The following SUFU variants were observed in gnomAD, a reference collection of about 807,000 sequenced individuals.
The protein encoded by SUFU is suppressor of fused homolog.
A neutral mutation model predicts 58.9 loss-of-function variants in SUFU; 7 were observed. The observed-to-expected ratio is 0.12, with a 90% CI of 0.07 to 0.22. The LOEUF (loss-of-function observed/expected upper bound fraction) is 0.22, where lower values mean the gene tolerates loss of function less well. Ranked by LOEUF, SUFU falls within the 10% of genes least tolerant of loss-of-function variation. The probability of loss-of-function intolerance (pLI) is 1.00; values close to 1 mark genes in which losing one functional copy is unlikely to be tolerated. For synonymous variants in SUFU, 232 were observed against 254.8 expected, an observed-to-expected ratio of 0.91 and a Z score of 0.85; for missense variants, 451 against 641.3, an observed-to-expected ratio of 0.70 and a Z score of 3.20.
At position 102,631,639 on chromosome 10, in the gene SUFU, C is replaced by G. The variant is rs2063838012; in HGVS notation, c.*1484C>G. 1 of 233,292 alleles carries G rather than the reference C, an allele frequency of 4.3e-6. No homozygotes were observed. The highest frequency in any genetic ancestry group is 1.8e-4 in the South Asian group (1 of 5,544). The allele number at this position is 233,292 out of a possible 1,614,324, so 14.5% of individuals were successfully genotyped here. On this transcript the variant is annotated 3_prime_UTR_variant, in exon 12 of 12. Coordinates refer to ENST00000369902, the MANE Select transcript of SUFU (RefSeq NM_016169.4). Reference sequence around the variant, plus strand: ...CACACACAGGCACCAGCAGGGATGCCACAGGAGTGCCCACAGGGTGCAGGA... The same window carrying G: ...CACACACAGGCACCAGCAGGGATGCGACAGGAGTGCCCACAGGGTGCAGGA...
intron 10 of SUFU, chr10:102,618,675 A>G (rs2135937990): frequency 3.6e-6 from 1 of 280,970 alleles, no homozygotes; most frequent in South Asian, 1.2e-4. Context: ...TGGTAACATT[A>G]GATTTCTGTC....
In SUFU at chr10:102,629,091, A is replaced by G. The variant is rs373845702; in HGVS notation, c.1366-975A>G. On this transcript the variant is annotated intron_variant, in intron 11 of 11. Transcript: ENST00000369902. This position sits in a 1 kb window ranked among gnomAD's most constrained non-coding sequence, Gnocchi z 4.7. ...GAATCGCTTGAACCCGGGAAGCAAA[A>G]GTTGCAGTGAGCCGAGATCGCGCCA... Among the ~76,000 whole-genome samples the G allele has an allele frequency of 3.9e-5, 6 of 152,168 alleles. No homozygotes were observed. The East Asian group carries it at 9.7e-4, about 25-fold the overall frequency.
intron 2 of SUFU, among the ~76,000 whole-genome samples, chr10:102,520,702 A>G (rs1054042862): frequency 2.6e-5 from 4 of 152,162 alleles, no homozygotes; most frequent in African/African-American, 9.7e-5. Flanking sequence ...CCAAAAGGTC[A>G]TAGAGTTGGA....
At chr10:102,534,126 C>G (rs2062707666) in intron 2 of SUFU, among the ~76,000 whole-genome samples, 1 of 151,990 alleles carries the variant, frequency 6.6e-6, no homozygotes. Flanking sequence ...GAGACTGAGT[C>G]CTGGAGAAAG....
chr10:102,626,632 A>T (rs2063789118), intron 10 of SUFU, among the ~76,000 whole-genome samples: 1 of 152,044 alleles, frequency 6.6e-6, no homozygotes, highest in Non-Finnish European at 1.5e-5. Flanking sequence ...CTGTAAAATG[A>T]GACGTTGGTC....
At chr10:102,512,800 C>T (rs1462719850) in intron 2 of SUFU, among the ~76,000 whole-genome samples, 2 of 152,202 alleles carry the variant, frequency 1.3e-5, no homozygotes, top group African/African-American at 4.8e-5. Context: ...CATGGTGCCT[C>T]ATGCCTATAG....
chr10:102,585,331 G>A (rs2063325551), intron 3 of SUFU, among the ~76,000 whole-genome samples: 1 of 152,166 alleles, frequency 6.6e-6, no homozygotes, highest in Admixed American at 6.5e-5. Context: ...AATCATATAA[G>A]GTCTATTATG....
intron 8 of SUFU, among the ~76,000 whole-genome samples, chr10:102,607,467 C>G (rs974637330): frequency 6.6e-6 from 1 of 152,114 alleles, no homozygotes; most frequent in Non-Finnish European, 1.5e-5. Context: ...TAATACATGG[C>G]TCAACTGTAA....
chr10:102,503,714 G>A (rs1188356497), upstream of SUFU, among the ~76,000 whole-genome samples: 1 of 152,198 alleles, frequency 6.6e-6, no homozygotes, highest in Non-Finnish European at 1.5e-5. Flanking sequence ...TCCTTTGTTG[G>A]CGCACTTCTC....
Position 102,593,589 on chromosome 10 carries a change from G to C in SUFU, c.598-47G>C, listed in dbSNP as rs758953500. 3.8e-6 allele frequency: 6 copies of C among 1,584,516 alleles called. No individual in the cohort carries two copies. Among genetic ancestry groups the C allele is most frequent in the African/African-American group, 1.4e-5 (1 of 73,960 alleles). On this transcript the variant is annotated intron_variant, in intron 4 of 11. Coordinates refer to ENST00000369902, the MANE Select transcript of SUFU (RefSeq NM_016169.4). The stretch of plus-strand genomic sequence containing the variant: ...CCTGGGTAGCTGACCTTCTTGGGGT[G>C]GGGGGTGGCCATTAACACACAATGG...
intron 2 of SUFU, among the ~76,000 whole-genome samples, chr10:102,520,122 T>C (rs917853052): frequency 6.6e-6 from 1 of 151,990 alleles, no homozygotes; most frequent in Non-Finnish European, 1.5e-5. Context: ...TTTGTTATCA[T>C]TGGGGAACCA....
intron 2 of SUFU, among the ~76,000 whole-genome samples, chr10:102,512,750 G>A (rs1380028979): frequency 6.6e-6 from 1 of 152,180 alleles, no homozygotes; most frequent in East Asian, 1.9e-4. Context: ...CCCAGTTCTG[G>A]TCTATGTTGC....
At chr10:102,576,400 T>C (rs2063212635) in intron 3 of SUFU, among the ~76,000 whole-genome samples, 1 of 152,156 alleles carries the variant, frequency 6.6e-6, no homozygotes, top group African/African-American at 2.4e-5. Flanking sequence ...CAGTTGACGG[T>C]ATGTCTTGAA....
At chr10:102,601,477 TG>T (rs1590069653) in intron 8 of SUFU, among the ~76,000 whole-genome samples, 1 of 152,202 alleles carries the variant, frequency 6.6e-6, no homozygotes, top group African/African-American at 2.4e-5. Flanking sequence ...GTGCCGGGGT[TG>T]TCTCCCCTTC....
chr10:102,600,649 A>G (rs1223527040), intron 8 of SUFU, among the ~76,000 whole-genome samples: 1 of 152,162 alleles, frequency 6.6e-6, no homozygotes, highest in Non-Finnish European at 1.5e-5. Flanking sequence ...GGAAGAACAT[A>G]GCATCGACCT....
At chr10:102,511,512 C>A (rs929357215) in intron 2 of SUFU, among the ~76,000 whole-genome samples, 10 of 151,926 alleles carry the variant, frequency 6.6e-5, no homozygotes, top group South Asian at 2.1e-4. Context: ...TGATGATAGC[C>A]TTTTTTCCCT....
intron 2 of SUFU, among the ~76,000 whole-genome samples, chr10:102,511,585 T>C (rs1201323732): frequency 6.6e-6 from 1 of 152,234 alleles, no homozygotes; most frequent in Non-Finnish European, 1.5e-5. Flanking sequence ...TATCAGGGTC[T>C]CGTTATTCCT....
At chr10:102,567,590 C>T (rs921409362) in intron 3 of SUFU, among the ~76,000 whole-genome samples, 13 of 152,312 alleles carry the variant, frequency 8.5e-5, no homozygotes, top group Admixed American at 7.2e-4. Context: ...TTTCTGACTC[C>T]TCACAGAGCC....
intron 8 of SUFU, among the ~76,000 whole-genome samples, chr10:102,606,064 G>T (rs781494056): frequency 2.0e-5 from 3 of 152,184 alleles, no homozygotes; most frequent in Non-Finnish European, 4.4e-5. Context: ...AGACTTTTCC[G>T]TTCAGAGAGA....
Sources: allele counts gnomAD v4.1 joint callset (sites outside exome capture counted in the v4.1 genomes callset), GRCh38; gene constraint gnomAD v4.1.1; non-coding constraint Gnocchi (gnomAD v3.1); transcripts MANE v1.5; gene names NCBI Gene and HGNC (gene_info 2026-07-23, HGNC 2026-07-21).